CNGB3: variants seen among roughly 807,000 people sequenced by gnomAD.
CNGB3 encodes the protein cyclic nucleotide-gated channel beta-3.
CNGB3 carries 86 observed loss-of-function variants against 92.8 expected under a neutral mutation model. The observed-to-expected ratio is 0.93, with a 90% CI of 0.78 to 1.11. The LOEUF (loss-of-function observed/expected upper bound fraction) is 1.11, where lower values mean the gene tolerates loss of function less well. Ranked by LOEUF, CNGB3 falls within the 50% of genes least tolerant of loss-of-function variation. The probability of loss-of-function intolerance (pLI) is 0.00; values close to 1 mark genes in which losing one functional copy is unlikely to be tolerated. For missense variants in CNGB3, 1,026 were observed against 956.8 expected, an observed-to-expected ratio of 1.07 and a Z score of -0.95; for synonymous variants, 333 against 332.7, an observed-to-expected ratio of 1.00 and a Z score of -0.01.
At position 86,646,954 on chromosome 8, in the gene CNGB3, C is replaced by T. The variant is rs529628880; in HGVS notation, c.990+847G>A. On this transcript the variant is annotated intron_variant, in intron 8 of 17. Transcript: ENST00000320005. ...TCTCACTCTTACTCTTGCCCCTATC[C>T]GTCCTGATTTTCCTTCCTGCTTTCC... Among the ~76,000 whole-genome samples, 133 of 151,200 alleles carry T rather than the reference C, an allele frequency of 8.8e-4. 2 individuals are homozygous for T. Among genetic ancestry groups the T allele is most frequent in the South Asian group, 7.0e-3 (34 of 4,826 alleles).
chr8:86,579,937 G>T (rs527922801), intron 15 of CNGB3, among the ~76,000 whole-genome samples: 1 of 152,180 alleles, frequency 6.6e-6, no homozygotes, highest in African/African-American at 2.4e-5. Flanking sequence ...GCCACCTTTT[G>T]TTGGTGTAGT....
At chr8:86,741,069 T>C (rs1001692438) in intron 1 of CNGB3, among the ~76,000 whole-genome samples, 4 of 152,146 alleles carry the variant, frequency 2.6e-5, no homozygotes, top group Admixed American at 6.5e-5. Flanking sequence ...TAGGTGAGAA[T>C]TACCCATGAC....
chr8:86,723,729 A>G (rs1314554759), intron 3 of CNGB3, among the ~76,000 whole-genome samples: 3 of 152,308 alleles, frequency 2.0e-5, no homozygotes, highest in Non-Finnish European at 4.4e-5. Flanking sequence ...AATCCTGAGA[A>G]AACATGTGAA....
Position 86,743,633 on chromosome 8 carries a change from C to T in CNGB3, c.-6G>A. The T allele has an allele frequency of 1.9e-6, 3 of 1,613,884 alleles. No individual in the cohort carries two copies. The highest frequency in any genetic ancestry group is 2.5e-6 in the Non-Finnish European group (3 of 1,179,798). ...TTTGTCAGCGATTTAAACATCTTCTCTGAGGTGGTTCTGAAAACCCTCTGT... is the reference window on the plus strand; with the variant it reads ...TTTGTCAGCGATTTAAACATCTTCTTTGAGGTGGTTCTGAAAACCCTCTGT... On this transcript the variant is annotated 5_prime_UTR_variant, in exon 1 of 18. Transcript: ENST00000320005.
rs551786826 is a variant in CNGB3 at position 86,693,183 on chromosome 8, G to T, written c.339-22085C>A. 7.9e-5 allele frequency among the ~76,000 whole-genome samples: 12 copies of T among 152,132 alleles called. No individual in the cohort carries two copies. In the South Asian group the frequency reaches 2.5e-3, roughly 32 times the overall value. On this transcript the variant is annotated intron_variant, in intron 3 of 17. Transcript: ENST00000320005. ...GATGCTTTTCTTCATCTTGAGTTTA[G>T]ACAACCTGATGACTGTGTGCCCAAG...
chr8:86,576,421 C>T (rs1821663581), intron 17 of CNGB3, among the ~76,000 whole-genome samples: 1 of 152,172 alleles, frequency 6.6e-6, no homozygotes, highest in African/African-American at 2.4e-5. Context: ...TTATTAGACT[C>T]AGTGCTCAGG....
intron 7 of CNGB3, among the ~76,000 whole-genome samples, chr8:86,651,568 T>C (rs1823404152): frequency 6.6e-6 from 1 of 151,874 alleles, no homozygotes; most frequent in African/African-American, 2.4e-5. Context: ...AGTGCTACCC[T>C]AAAACTTACA....
chr8:86,722,721 G>A (rs1211389281), intron 3 of CNGB3, among the ~76,000 whole-genome samples: 1 of 152,158 alleles, frequency 6.6e-6, no homozygotes, highest in East Asian at 1.9e-4. Context: ...GAGAAAGAGG[G>A]CACTCCTGCC....
intron 3 of CNGB3, among the ~76,000 whole-genome samples, chr8:86,722,142 G>A (rs1435748999): frequency 1.3e-5 from 2 of 152,192 alleles, no homozygotes; most frequent in East Asian, 1.9e-4. Context: ...TCACTCACTC[G>A]CTGCTTGTTC....
chr8:86,715,093 G>A (rs1824825860), intron 3 of CNGB3, among the ~76,000 whole-genome samples: 2 of 151,914 alleles, frequency 1.3e-5, no homozygotes, highest in South Asian at 2.1e-4. Flanking sequence ...TAATATCTTG[G>A]GAGCTCTATA....
At position 86,643,775 on chromosome 8, in the gene CNGB3, C is replaced by A. The variant is rs779059841; in HGVS notation, c.1154G>T (p.Trp385Leu). The A allele has an allele frequency of 6.2e-7, 1 of 1,605,712 alleles. No homozygotes were observed. Among genetic ancestry groups the A allele is most frequent in the African/African-American group, 1.4e-5 (1 of 73,766 alleles). The change falls in exon 10 of 18, where the codon TGG (tryptophan) becomes TTG (leucine). Residue 385 changes from tryptophan to leucine, a missense_variant. By Grantham distance (61) the Trp-to-Leu change is moderately conservative. Transcript: ENST00000320005. Reference protein sequence around the residue: ...SNYEGIGTTRWVYDGEGNEYL... With the variant: ...SNYEGIGTTRLVYDGEGNEYL... Reference sequence around the variant, plus strand: ...CTCGTTTCCTTCCCCATCATACACCCATCTAGTAGTGCCAATTCCTTCATA... The same window carrying A: ...CTCGTTTCCTTCCCCATCATACACCAATCTAGTAGTGCCAATTCCTTCATA...
chr8:86,714,785 T>A (rs1824818790), intron 3 of CNGB3, among the ~76,000 whole-genome samples: 1 of 152,098 alleles, frequency 6.6e-6, no homozygotes. Flanking sequence ...GGAAATAGAC[T>A]CAGTGCTACT....
intron 2 of CNGB3, 64 bp from the exon 3 acceptor site, chr8:86,726,721 C>T: frequency 6.4e-7 from 1 of 1,574,588 alleles, no homozygotes; most frequent in Non-Finnish European, 8.7e-7. Context: ...CTATATTTGG[C>T]AACATGAGCT....
intron 15 of CNGB3, among the ~76,000 whole-genome samples, chr8:86,585,702 G>T (rs1328030797): frequency 6.6e-6 from 1 of 152,180 alleles, no homozygotes; most frequent in Non-Finnish European, 1.5e-5. Context: ...TTAAAGACAG[G>T]CAGAAATATC....
chr8:86,663,219 T>C (rs1467462346), intron 6 of CNGB3, among the ~76,000 whole-genome samples: 3 of 152,220 alleles, frequency 2.0e-5, no homozygotes, highest in South Asian at 4.1e-4. Context: ...TGTAACTAGA[T>C]GACACTGAGG....
At chr8:86,606,859 T>C (rs1032699745) in intron 14 of CNGB3, among the ~76,000 whole-genome samples, 3 of 152,218 alleles carry the variant, frequency 2.0e-5, no homozygotes, top group Non-Finnish European at 4.4e-5. Flanking sequence ...TGACTCTATA[T>C]AATACATGAA....
intron 15 of CNGB3, among the ~76,000 whole-genome samples, chr8:86,593,227 G>A (rs1481896645): frequency 3.9e-5 from 6 of 152,304 alleles, no homozygotes; most frequent in South Asian, 2.1e-4. Context: ...GTGGATGAGC[G>A]ATGAAGAATC....
chr8:86,704,014 A>G (rs1824605318), intron 3 of CNGB3: 1 of 152,200 alleles, frequency 6.6e-6, no homozygotes, highest in Non-Finnish European at 1.5e-5. Flanking sequence ...TAGGGGCACT[A>G]GACCTCCTGT....
At chr8:86,597,292 T>C (rs189522791) in intron 15 of CNGB3, among the ~76,000 whole-genome samples, 32 of 152,276 alleles carry the variant, frequency 2.1e-4, no homozygotes, top group Admixed American at 1.7e-3. Flanking sequence ...GGCTCATGGC[T>C]CAGAAGTGGA....
Sources: gnomAD v4.1 joint callset for allele counts (sites outside exome capture counted in the v4.1 genomes callset) on GRCh38, gnomAD v4.1.1 for gene constraint, MANE v1.5 for transcripts, NCBI Gene and HGNC (gene_info 2026-07-23, HGNC 2026-07-21) for gene names.